The following ANKRD36B variants were observed in gnomAD, a reference collection of about 807,000 sequenced individuals.
ANKRD36B encodes ankyrin repeat domain-containing protein 36B.
In ANKRD36B, 37 loss-of-function variants were observed where a neutral mutation model predicts 135.7. The observed-to-expected ratio is 0.27, with a 90% CI of 0.21 to 0.36. The LOEUF is 0.36. Among genes scored for constraint, ANKRD36B ranks in the 10% least tolerant of loss-of-function variants. The pLI is 1.00. For missense variants in ANKRD36B, 549 were observed against 1,037.1 expected, an observed-to-expected ratio of 0.53 and a Z score of 6.46; for synonymous variants, 179 against 348.1, an observed-to-expected ratio of 0.51 and a Z score of 5.41.
intron 22 of ANKRD36B, among the ~76,000 whole-genome samples, 184 bp from the exon 23 acceptor site, chr2:97,546,045 T>A (rs1471003363): frequency 1.3e-5 from 2 of 151,594 alleles, no homozygotes; most frequent in African/African-American, 2.4e-5. Context: ...GAATACAGGC[T>A]CCATGAAATA....
intron 3 of ANKRD36B, among the ~76,000 whole-genome samples, chr2:97,584,406 A>G (rs1391145399): frequency 4.1e-5 from 6 of 145,142 alleles, no homozygotes; most frequent in Non-Finnish European, 9.0e-5. Flanking sequence ...CTAATTTCCA[A>G]ATTAGCTTGT....
chr2:97,579,066 A>T, intron 4 of ANKRD36B, 23 bp from the exon 5 acceptor site: 3 of 1,571,490 alleles, frequency 1.9e-6, no homozygotes, highest in African/African-American at 2.7e-5. Flanking sequence ...AGAGGTAATT[A>T]AAAACTTTAA....
At position 97,579,003 on chromosome 2, in the gene ANKRD36B, T is replaced by C. The variant is rs778492868; in HGVS notation, c.598A>G (p.Ile200Val). 6.8e-6 allele frequency: 11 copies of C among 1,612,274 alleles called. No individual in the cohort carries two copies. Among genetic ancestry groups the C allele is most frequent in the South Asian group, 4.4e-5 (4 of 90,908 alleles). Reference sequence around the variant, plus strand: ...TTGTGCTGCAGAAGAAGAATGACTATATCTTTTTCTCCAAGAGTAACAGCA... The same window carrying C: ...TTGTGCTGCAGAAGAAGAATGACTACATCTTTTTCTCCAAGAGTAACAGCA... ...ILAVTLGEKDIVILLLQHNID... is the reference protein window; with the variant it reads ...ILAVTLGEKDVVILLLQHNID... The change falls in exon 5 of 44, where the codon ATA becomes GTA. Residue 200 changes from isoleucine (I) to valine (V), a missense_variant. Transcript: ENST00000359901.
At chr2:97,589,489 C>T (rs2083270869) in intron 1 of ANKRD36B, 36 bp downstream of exon 1, 1 of 1,540,636 alleles carries the variant, frequency 6.5e-7, no homozygotes, top group Admixed American at 2.0e-5. Flanking sequence ...CATCCACAGG[C>T]CTCCTCCCGC....
At chr2:97,575,649 A>AG (rs61208245) in intron 6 of ANKRD36B, among the ~76,000 whole-genome samples, 3 of 142,158 alleles carry the variant, frequency 2.1e-5, no homozygotes, top group Non-Finnish European at 3.1e-5. Context: ...ACAGGAAAAG[A>AG]TCCCTATCAA....
chr2:97,556,627 C>G (rs1289157418), intron 12 of ANKRD36B, among the ~76,000 whole-genome samples: 1 of 151,806 alleles, frequency 6.6e-6, no homozygotes, highest in East Asian at 1.9e-4. Context: ...TTCTCCTTCC[C>G]CTCTCCATAG....
intron 12 of ANKRD36B, among the ~76,000 whole-genome samples, 151 bp from the exon 13 acceptor site, chr2:97,555,405 T>C (rs1003144684): frequency 1.3e-4 from 19 of 151,748 alleles, no homozygotes; most frequent in Non-Finnish European, 2.5e-4. Flanking sequence ...ATGACAGAAA[T>C]ACACTGAAAA....
At chr2:97,554,383 T>C (rs923013263) in intron 14 of ANKRD36B, among the ~76,000 whole-genome samples, 3 of 151,974 alleles carry the variant, frequency 2.0e-5, no homozygotes, top group Non-Finnish European at 2.9e-5. Context: ...ATATATCTTA[T>C]GCCTAATAGT....
chr2:97,546,188 G>C (rs549329059), intron 22 of ANKRD36B, among the ~76,000 whole-genome samples: 18 of 151,810 alleles, frequency 1.2e-4, no homozygotes, highest in South Asian at 1.0e-3. Context: ...ACTCATACAC[G>C]TGAGAATCAA....
At chr2:97,547,639 T>A (rs551160163) in intron 21 of ANKRD36B, 31 bp from the exon 22 acceptor site, 28 of 1,556,834 alleles carry the variant, frequency 1.8e-5, no homozygotes, top group African/African-American at 1.1e-4. Flanking sequence ...AATAATAAAT[T>A]AATAAAGTAT....
chr2:97,560,456 A>G (rs553736341), intron 8 of ANKRD36B, among the ~76,000 whole-genome samples: 2 of 151,962 alleles, frequency 1.3e-5, no homozygotes, highest in African/African-American at 2.4e-5. Context: ...CCCAATTTCA[A>G]TGTAAGGAAG....
In ANKRD36B at chr2:97,551,296, A is replaced by G. The variant is rs2080039635; in HGVS notation, c.1368T>C (p.Ser456=). The change falls in exon 18 of 44, where the codon TCT becomes TCC. Residue 456 remains serine, a synonymous_variant. Coordinates refer to ENST00000359901, the MANE Select transcript of ANKRD36B (RefSeq NM_001393939.1). ...TGTGTTTCGCAAAATTACCTGTCCTAGATATTTCTCCATCCTTTTTTTCTC... is the reference window on the plus strand; with the variant it reads ...TGTGTTTCGCAAAATTACCTGTCCTGGATATTTCTCCATCCTTTTTTTCTC... ...ITREKKDGEI[S]RTVSSQKPPA... 6.4e-7 allele frequency: 1 copy of G among 1,560,718 alleles called. No homozygotes were observed. The highest frequency in any genetic ancestry group is 8.6e-7 in the Non-Finnish European group (1 of 1,156,310).
rs1290812182 is a variant in ANKRD36B, at chr2:97,514,903, A to ATT, written c.2621+827_2621+828dup. Among the ~76,000 whole-genome samples, 12 of 69,722 alleles carry ATT rather than the reference A, an allele frequency of 1.7e-4. 1 individual carries two copies. Among genetic ancestry groups the ATT allele is most frequent in the East Asian group, 1.4e-3 (5 of 3,650 alleles). 45.7% of individuals were successfully genotyped at this position (69,722 alleles called of 152,430 possible). On this transcript the variant is annotated intron_variant, in intron 37 of 43. Coordinates refer to ENST00000359901, the MANE Select transcript of ANKRD36B (RefSeq NM_001393939.1). ...GCATATTAAGAATAAAACTGGATAC[A>ATT]TTTTTTTTTTTTTTTTTTTGAGAGG...
chr2:97,564,055 T>G (rs1160305903), intron 6 of ANKRD36B, among the ~76,000 whole-genome samples: 1 of 151,940 alleles, frequency 6.6e-6, no homozygotes, highest in African/African-American at 2.4e-5. Context: ...GTCTGAACTT[T>G]TCTACAAGGT....
At chr2:97,571,409 A>T (rs999431475) in intron 6 of ANKRD36B, among the ~76,000 whole-genome samples, 9 of 152,014 alleles carry the variant, frequency 5.9e-5, no homozygotes, top group Non-Finnish European at 1.0e-4. Flanking sequence ...ACACTTTGGG[A>T]GGCTGGGGCG....
chr2:97,554,136 A>G (rs2080291879), intron 14 of ANKRD36B, among the ~76,000 whole-genome samples: 1 of 151,910 alleles, frequency 6.6e-6, no homozygotes, highest in African/African-American at 2.4e-5. Flanking sequence ...GGATATTAAT[A>G]AGCTTTTATA....
intron 34 of ANKRD36B, among the ~76,000 whole-genome samples, chr2:97,534,478 G>A (rs1390400949): frequency 1.0e-5 from 1 of 96,286 alleles, no homozygotes; most frequent in African/African-American, 3.1e-5. Flanking sequence ...CTAAATTTGT[G>A]TTCCTTTCCC....
chr2:97,519,712 C>T (rs2077900466), intron 36 of ANKRD36B, among the ~76,000 whole-genome samples: 1 of 85,470 alleles, frequency 1.2e-5, no homozygotes, highest in Non-Finnish European at 3.1e-5. Flanking sequence ...TAAGAGACAG[C>T]AGGAAAAGAT....
chr2:97,562,399 G>A (rs545448823), intron 6 of ANKRD36B, among the ~76,000 whole-genome samples: 1 of 151,894 alleles, frequency 6.6e-6, no homozygotes, highest in African/African-American at 2.4e-5. Flanking sequence ...AACTACCTCA[G>A]CAAACACAGC....
Sources: gnomAD v4.1 joint callset for allele counts (sites outside exome capture counted in the v4.1 genomes callset) on GRCh38, gnomAD v4.1.1 for gene constraint, MANE v1.5 for transcripts, NCBI Gene and HGNC (gene_info 2026-07-23, HGNC 2026-07-21) for gene names.